Variants in PTPRD observed in about 807,000 individuals in gnomAD.
The protein encoded by PTPRD is receptor-type tyrosine-protein phosphatase delta.
PTPRD carries 34 observed loss-of-function variants against 214.5 expected under a neutral mutation model. The ratio of observed to expected loss-of-function variants is 0.16; its 90% CI spans 0.12 to 0.21. The LOEUF (loss-of-function observed/expected upper bound fraction) is 0.21. Ranked by LOEUF, PTPRD falls within the 10% of genes least tolerant of loss-of-function variation. The pLI is 1.00. For synonymous variants in PTPRD, 1,128 were observed against 845.7 expected (o/e 1.33, Z -5.79); for missense variants, 2,545 against 2,398.7 (o/e 1.06, Z -1.27).
chr9:9,262,969 G>A (rs1594776899), intron 9 of PTPRD, among the ~76,000 whole-genome samples: 1 of 151,476 alleles, frequency 6.6e-6, no homozygotes, highest in East Asian at 2.0e-4. Flanking sequence ...TCCCACCCTG[G>A]CCAAATGCAA....
chr9:9,998,634 C>T (rs980702775), intron 4 of PTPRD, among the ~76,000 whole-genome samples: 4 of 151,896 alleles, frequency 2.6e-5, no homozygotes, highest in Non-Finnish European at 4.4e-5. Context: ...GTGGCAGGAT[C>T]ACTGTCCTCT....
intron 5 of PTPRD, among the ~76,000 whole-genome samples, chr9:9,924,275 T>C (rs2083505592): frequency 6.6e-6 from 1 of 151,948 alleles, no homozygotes; most frequent in South Asian, 2.1e-4. Flanking sequence ...TACAAGCATA[T>C]TAAATTAAAA....
chr9:9,947,596 A>ATTTT (rs1491512192), intron 4 of PTPRD, among the ~76,000 whole-genome samples: 1 of 47,928 alleles, frequency 2.1e-5, no homozygotes, highest in East Asian at 6.6e-4. Context: ...TTATATATAT[A>ATTTT]ATATATATAT....
chr9:9,582,442 T>C lies in PTPRD; in HGVS notation c.-286-7661A>G, dbSNP rs1196881180. On this transcript the variant is annotated intron_variant, in intron 7 of 45. Coordinates refer to ENST00000381196, the MANE Select transcript of PTPRD (RefSeq NM_002839.4). ...AGACTCCCAAGTAGAGCAATTAAAA[T>C]AGGAGGAATCCAGATCAAATGACAG... is the stretch of plus-strand genomic sequence containing the variant. Among the ~76,000 whole-genome samples, 3 of 152,064 alleles carry C rather than the reference T, an allele frequency of 2.0e-5. No homozygotes were observed. In the East Asian group the frequency reaches 5.8e-4, roughly 29 times the overall value.
intron 7 of PTPRD, among the ~76,000 whole-genome samples, chr9:9,704,335 ATAGT>A (rs2097558244): frequency 6.6e-6 from 1 of 152,044 alleles, no homozygotes; most frequent in South Asian, 2.1e-4. Context: ...CTGTTTAATC[ATAGT>A]TAGTAAAATT....
At chr9:9,659,134 A>G (rs1056291851) in intron 7 of PTPRD, among the ~76,000 whole-genome samples, 27 of 152,120 alleles carry the variant, frequency 1.8e-4, no homozygotes, top group African/African-American at 6.0e-4. Flanking sequence ...ACTAAACTAT[A>G]TATTAGTATT....
chr9:9,845,192 A>G (rs1374613641), intron 5 of PTPRD, among the ~76,000 whole-genome samples: 1 of 136,310 alleles, frequency 7.3e-6, no homozygotes, highest in Admixed American at 7.5e-5. Flanking sequence ...TGCTCTATAT[A>G]TATAGCTATA....
chr9:9,086,077 T>C (rs2099766655), intron 10 of PTPRD, among the ~76,000 whole-genome samples: 2 of 152,220 alleles, frequency 1.3e-5, no homozygotes, highest in South Asian at 4.1e-4. Context: ...TGTTAATGAT[T>C]AACTAACTCA....
chr9:8,716,260 G>T (rs1169868783), intron 12 of PTPRD, among the ~76,000 whole-genome samples: 2 of 152,180 alleles, frequency 1.3e-5, no homozygotes, highest in African/African-American at 4.8e-5. Flanking sequence ...GAACCTACAA[G>T]GAGAACCAAA....
chr9:9,395,296 AG>A (rs1352900328), intron 9 of PTPRD, among the ~76,000 whole-genome samples: 1 of 152,120 alleles, frequency 6.6e-6, no homozygotes, highest in Non-Finnish European at 1.5e-5. Flanking sequence ...GTAAAATTTC[AG>A]GCCCTAATGT....
intron 2 of PTPRD, among the ~76,000 whole-genome samples, chr9:10,464,545 C>G (rs931663623): frequency 2.0e-5 from 3 of 151,778 alleles, no homozygotes; most frequent in African/African-American, 7.3e-5. Context: ...ACCATTACAG[C>G]TACTTTGTGT....
chr9:10,145,545 G>A (rs2099016383), intron 3 of PTPRD, among the ~76,000 whole-genome samples: 1 of 151,970 alleles, frequency 6.6e-6, no homozygotes, highest in Non-Finnish European at 1.5e-5. Flanking sequence ...ATAATATATA[G>A]AACATACAAA....
At chr9:8,935,423 C>CGTTG (rs2098990243) in intron 11 of PTPRD, among the ~76,000 whole-genome samples, 3 of 1,944 alleles carry the variant, frequency 1.5e-3, no homozygotes, top group Non-Finnish European at 2.9e-3. Flanking sequence ...AAGATCTGTA[C>CGTTG]ATAGAAAACA....
intron 10 of PTPRD, among the ~76,000 whole-genome samples, chr9:9,117,745 A>T (rs561329002): frequency 1.6e-3 from 246 of 152,300 alleles, no homozygotes; most frequent in African/African-American, 5.6e-3. Flanking sequence ...CAAGAAAAAA[A>T]ATATTTCAGA....
intron 11 of PTPRD, among the ~76,000 whole-genome samples, chr9:8,984,760 C>A (rs1185369305): frequency 6.6e-6 from 1 of 152,030 alleles, no homozygotes; most frequent in Non-Finnish European, 1.5e-5. Context: ...TTTATGGTGC[C>A]ACTTGGGAAA....
At chr9:10,157,952 T>C (rs1182036113) in intron 3 of PTPRD, among the ~76,000 whole-genome samples, 7 of 152,146 alleles carry the variant, frequency 4.6e-5, no homozygotes, top group African/African-American at 9.7e-5. Context: ...GGTGATTGCA[T>C]TGTGAAATTA....
chr9:8,579,394 A>G (rs1373207088), intron 14 of PTPRD, among the ~76,000 whole-genome samples: 10 of 152,234 alleles, frequency 6.6e-5, no homozygotes, highest in Non-Finnish European at 1.5e-5. Flanking sequence ...TTTGCTAAAT[A>G]TATTATCCTT....
chr9:10,277,247 A>AAAACATAAACAT (rs2094762763), intron 3 of PTPRD, among the ~76,000 whole-genome samples: 7 of 91,564 alleles, frequency 7.6e-5, no homozygotes, highest in Non-Finnish European at 1.6e-4. Flanking sequence ...ACATAAACAT[A>AAAACATAAACAT]AAAAAAAAAC....
chr9:9,419,617 G>T (rs932603574), intron 8 of PTPRD, among the ~76,000 whole-genome samples: 1 of 151,508 alleles, frequency 6.6e-6, no homozygotes, highest in Non-Finnish European at 1.5e-5. Flanking sequence ...TCCTTTCTTT[G>T]TTCATGTTTT....
Sources: allele counts gnomAD v4.1 joint callset (sites outside exome capture counted in the v4.1 genomes callset), GRCh38; gene constraint gnomAD v4.1.1; transcripts MANE v1.5; gene names NCBI Gene and HGNC (gene_info 2026-07-23, HGNC 2026-07-21).